RBPMS: variants seen among roughly 807,000 people sequenced by gnomAD.
RBPMS encodes the protein RNA-binding protein with multiple splicing.
A neutral mutation model predicts 26.8 loss-of-function variants in RBPMS; 7 were observed. The ratio of observed to expected loss-of-function variants is 0.26; its 90% CI spans 0.15 to 0.49. The LOEUF is 0.49. Among genes scored for constraint, RBPMS ranks in the 20% least tolerant of loss-of-function variants. The pLI is 0.98. For missense variants in RBPMS, 186 were observed against 250.0 expected (o/e 0.74, Z 1.73); for synonymous variants, 96 against 93.3 (o/e 1.03, Z -0.17).
At chr8:30,424,334 G>A (rs1005971046) in intron 1 of RBPMS, among the ~76,000 whole-genome samples, 1 of 152,204 alleles carries the variant, frequency 6.6e-6, no homozygotes, top group Non-Finnish European at 1.5e-5. Context: ...GGATGGTAGC[G>A]ATAATTATAG....
At chr8:30,495,328 T>TC (rs1819826313) in intron 4 of RBPMS, among the ~76,000 whole-genome samples, 1 of 151,788 alleles carries the variant, frequency 6.6e-6, no homozygotes, top group Admixed American at 6.6e-5. Flanking sequence ...AAAACTGACT[T>TC]CAAGATATGT....
chr8:30,393,185 A>T (rs1342953832), intron 1 of RBPMS, among the ~76,000 whole-genome samples: 1 of 152,176 alleles, frequency 6.6e-6, no homozygotes, highest in Non-Finnish European at 1.5e-5. Context: ...ATACTTAGCC[A>T]TTGGAAAGCC....
intron 1 of RBPMS, among the ~76,000 whole-genome samples, chr8:30,449,433 C>T (rs1337881238): frequency 1.4e-5 from 2 of 147,106 alleles, no homozygotes; most frequent in Non-Finnish European, 3.0e-5. Flanking sequence ...TGCAATGGCA[C>T]GATTTCAGCT....
chr8:30,411,019 G>A (rs898055371), intron 1 of RBPMS, among the ~76,000 whole-genome samples: 2 of 151,982 alleles, frequency 1.3e-5, no homozygotes, highest in Middle Eastern at 3.2e-3. Context: ...GATTACAGGT[G>A]TGAGCCACTG....
At position 30,450,103 on chromosome 8, in the gene RBPMS, C is replaced by T. The variant is rs537503975; in HGVS notation, c.67-24676C>T. 2.8e-4 allele frequency among the ~76,000 whole-genome samples: 43 copies of T among 152,256 alleles called. 2 individuals are homozygous for T. The South Asian group carries it at 8.1e-3, about 29-fold the overall frequency. The stretch of plus-strand genomic sequence containing the variant: ...ATTAAAATAAGTTAGTGCATGGTTT[C>T]CTTTTCCCAAATAACTTTCCTCTTA... On this transcript the variant is annotated intron_variant, in intron 1 of 8. Transcript: ENST00000397323.
chr8:30,477,121 C>T (rs1305114796), intron 2 of RBPMS, among the ~76,000 whole-genome samples: 4 of 152,146 alleles, frequency 2.6e-5, no homozygotes, highest in African/African-American at 4.8e-5. Flanking sequence ...GTGACGCCAT[C>T]GGCTCACTGC....
chr8:30,544,363 G>A (rs1825688349), intron 5 of RBPMS, 131 bp from the exon 6 acceptor site: 1 of 894,714 alleles, frequency 1.1e-6, no homozygotes. Context: ...ACAAACAACA[G>A]GTTGTTAAAA....
chr8:30,461,642 G>C (rs1170687923), intron 1 of RBPMS, among the ~76,000 whole-genome samples: 3 of 152,084 alleles, frequency 2.0e-5, no homozygotes, highest in Non-Finnish European at 4.4e-5. Context: ...TGTTCCACCC[G>C]CCTTGACCTC....
At chr8:30,477,656 C>A (rs1255233061) in intron 2 of RBPMS, 143 bp from the exon 3 acceptor site, 3 of 600,884 alleles carry the variant, frequency 5.0e-6, no homozygotes, top group Non-Finnish European at 8.9e-6. Context: ...CATGCACATG[C>A]ATGTGTGTAA....
At chr8:30,455,155 G>T (rs1372259755) in intron 1 of RBPMS, among the ~76,000 whole-genome samples, 2 of 152,054 alleles carry the variant, frequency 1.3e-5, no homozygotes, top group Non-Finnish European at 2.9e-5. Context: ...TCATTTCATG[G>T]GTTTAAATTC....
intron 8 of RBPMS, among the ~76,000 whole-genome samples, chr8:30,569,887 TAA>T (rs975927660): frequency 3.3e-5 from 5 of 152,162 alleles, no homozygotes; most frequent in African/African-American, 1.2e-4. Flanking sequence ...TGCCACAACC[TAA>T]AGAGACAGGC....
chr8:30,466,874 C>T (rs1414557609), intron 1 of RBPMS, among the ~76,000 whole-genome samples: 3 of 152,156 alleles, frequency 2.0e-5, no homozygotes, highest in East Asian at 1.9e-4. Flanking sequence ...GGATTACAGG[C>T]GTGAGCCACC....
chr8:30,482,143 G>A (rs1818343650), intron 4 of RBPMS, among the ~76,000 whole-genome samples: 1 of 152,132 alleles, frequency 6.6e-6, no homozygotes, highest in Admixed American at 6.6e-5. Flanking sequence ...GAAGCTAATA[G>A]GTATATTCTT....
rs912541449 is a variant in RBPMS, at chr8:30,504,201, G to A, written c.247-85G>A. 24 of 1,418,836 alleles carry A rather than the reference G, an allele frequency of 1.7e-5. No individual in the cohort carries two copies. In the African/African-American group the frequency reaches 3.0e-4, roughly 17 times the overall value. The allele number at this position is 1,418,836 out of a possible 1,614,324, so 87.9% of individuals were successfully genotyped here. A position where few individuals can be genotyped will look rare whatever the true frequency, so the allele number is the denominator to read the frequency against. On this transcript the variant is annotated intron_variant, in intron 4 of 8. Coordinates refer to ENST00000397323, the MANE Select transcript of RBPMS (RefSeq NM_001008710.3). ...TGACCTTTTTTCCTGATAGACCAGGGTTTACTGGTGTGTTTATTTTGTCAC... is the reference window on the plus strand; with the variant it reads ...TGACCTTTTTTCCTGATAGACCAGGATTTACTGGTGTGTTTATTTTGTCAC...
At position 30,570,042 on chromosome 8, in the gene RBPMS, C is replaced by CAGGTCAGATACAAATTGGACAGATTT. The variant is rs1828160840; in HGVS notation, c.*112-594_*112-569dup. On this transcript the variant is annotated intron_variant, in intron 8 of 8. Coordinates refer to ENST00000397323, the MANE Select transcript of RBPMS (RefSeq NM_001008710.3). Reference sequence around the variant, plus strand: ...CCAAAAACTGGGCAGTGAAAAGTCACAGGTCAGATACAAATTGGACAGATT... The same window carrying CAGGTCAGATACAAATTGGACAGATTT: ...CCAAAAACTGGGCAGTGAAAAGTCACAGGTCAGATACAAATTGGACAGATTTAGGTCAGATACAAATTGGACAGATT... 5.3e-5 allele frequency among the ~76,000 whole-genome samples: 8 copies of CAGGTCAGATACAAATTGGACAGATTT among 152,292 alleles called. No individual in the cohort carries two copies. The South Asian group carries it at 1.7e-3, about 32-fold the overall frequency.
intron 1 of RBPMS, among the ~76,000 whole-genome samples, chr8:30,473,506 C>G (rs1284564830): frequency 2.0e-5 from 3 of 152,054 alleles, no homozygotes; most frequent in African/African-American, 7.2e-5. Context: ...TTGATTGTGC[C>G]TTAAACACAG....
At chr8:30,535,765 A>G (rs922652694) in intron 5 of RBPMS, among the ~76,000 whole-genome samples, 1 of 152,114 alleles carries the variant, frequency 6.6e-6, no homozygotes, top group Non-Finnish European at 1.5e-5. Context: ...AAAATTTGGT[A>G]CAAATGTTGC....
rs140217673 is a variant in RBPMS, at chr8:30,444,085, C to T, written c.67-30694C>T. ...CTAATTTTTGTGTTTTTAGTAGAGC[C>T]GGGTTTCACCATATTGGCCAAGCTG... is the stretch of plus-strand genomic sequence containing the variant. On this transcript the variant is annotated intron_variant, in intron 1 of 8. Coordinates refer to ENST00000397323, the MANE Select transcript of RBPMS (RefSeq NM_001008710.3). Among the ~76,000 whole-genome samples the T allele has an allele frequency of 4.7e-3, 707 of 151,622 alleles. 19 individuals are homozygous for T. The highest frequency in any genetic ancestry group is 0.038 in the Admixed American group (574 of 15,190).
chr8:30,413,330 C>T (rs1295930902), intron 1 of RBPMS, among the ~76,000 whole-genome samples: 3 of 152,132 alleles, frequency 2.0e-5, no homozygotes, highest in African/African-American at 7.2e-5. Context: ...CTTGGCCTCC[C>T]AAAGTTCTGG....
Sources: gnomAD v4.1 joint callset for allele counts (sites outside exome capture counted in the v4.1 genomes callset) on GRCh38, gnomAD v4.1.1 for gene constraint, MANE v1.5 for transcripts, NCBI Gene and HGNC (gene_info 2026-07-23, HGNC 2026-07-21) for gene names.